ATG4C: variants seen among roughly 807,000 people sequenced by gnomAD.
The protein encoded by ATG4C is autophagy related 4C cysteine peptidase.
Under a neutral mutation model 57.6 loss-of-function variants are expected in ATG4C, and 56 were observed. That is an observed-to-expected ratio of 0.97 (90% CI 0.78 to 1.21). The LOEUF is 1.21. Ranked by LOEUF, ATG4C falls within the 50% of genes most tolerant of loss-of-function variation. The pLI, the probability that ATG4C is intolerant of heterozygous loss-of-function variation, is 0.00. For missense variants in ATG4C, 595 were observed against 529.8 expected, an observed-to-expected ratio of 1.12 and a Z score of -1.21; for synonymous variants, 157 against 174.1, an observed-to-expected ratio of 0.90 and a Z score of 0.78.
In ATG4C at chr1:62,805,261, T is replaced by C. The variant is rs746075510; in HGVS notation, c.160+6T>C. 1.3e-6 allele frequency: 2 copies of C among 1,503,108 alleles called. No individual in the cohort carries two copies. Among genetic ancestry groups the C allele is most frequent in the South Asian group, 2.8e-5 (2 of 71,878 alleles). The allele number at this position is 1,503,108 out of a possible 1,614,324, so 93.1% of individuals were successfully genotyped here. On this transcript the variant is annotated splice_donor_region_variant and intron_variant, in intron 3 of 10. Coordinates refer to ENST00000317868, the MANE Select transcript of ATG4C (RefSeq NM_032852.4). ...TTACCATTTTAAATATGAAGGTAAGTACAAAATTTGTAAACCATTTAAAAA... is the reference window on the plus strand; with the variant it reads ...TTACCATTTTAAATATGAAGGTAAGCACAAAATTTGTAAACCATTTAAAAA...
chr1:62,817,783 A>G (rs12134455), intron 4 of ATG4C, among the ~76,000 whole-genome samples: 71,251 of 152,038 alleles, frequency 0.47, 16,887 homozygotes, highest in East Asian at 0.67. Context: ...TACATTTGTA[A>G]GAATATTTTA....
At chr1:62,784,726 G>A (rs551570431) in intron 1 of ATG4C, among the ~76,000 whole-genome samples, 1 of 152,022 alleles carries the variant, frequency 6.6e-6, no homozygotes, top group East Asian at 1.9e-4. Context: ...TTTGGTGTTT[G>A]TTACTGCTTC....
chr1:62,793,335 G>C (rs1445681800), intron 1 of ATG4C, among the ~76,000 whole-genome samples: 1 of 151,718 alleles, frequency 6.6e-6, no homozygotes, highest in Non-Finnish European at 1.5e-5. Flanking sequence ...ACTAGTGCCA[G>C]GCACAGTGGC....
chr1:62,813,829 A>G (rs1665172358), intron 3 of ATG4C, among the ~76,000 whole-genome samples: 1 of 152,224 alleles, frequency 6.6e-6, no homozygotes, highest in African/African-American at 2.4e-5. Context: ...TATGCAGCCA[A>G]CAAATATATG....
At chr1:62,818,926 A>G in intron 4 of ATG4C, 79 bp from the exon 5 acceptor site, 3 of 1,173,440 alleles carry the variant, frequency 2.6e-6, no homozygotes, top group East Asian at 2.4e-5. Flanking sequence ...ATGACCTTAA[A>G]TGCTACGTAT....
At chr1:62,800,663 C>G (rs1664628664) in intron 1 of ATG4C, among the ~76,000 whole-genome samples, 1 of 151,936 alleles carries the variant, frequency 6.6e-6, no homozygotes, top group South Asian at 2.1e-4. Context: ...TTTCTTTATT[C>G]TAGTGTCAGT....
intron 3 of ATG4C, among the ~76,000 whole-genome samples, chr1:62,806,651 G>T (rs1192352080): frequency 6.6e-6 from 1 of 152,150 alleles, no homozygotes; most frequent in Non-Finnish European, 1.5e-5. Flanking sequence ...GGAGAAAGGT[G>T]TGGGAGGAGG....
intron 4 of ATG4C, 24 bp from the exon 5 acceptor site, chr1:62,818,981 C>T (rs1665381198): frequency 1.4e-6 from 2 of 1,473,854 alleles, no homozygotes; most frequent in Admixed American, 2.4e-5. Flanking sequence ...AAGATCTGAA[C>T]ACTTTGCTTT....
chr1:62,789,632 T>C (rs1664202462), intron 1 of ATG4C, among the ~76,000 whole-genome samples: 1 of 151,782 alleles, frequency 6.6e-6, no homozygotes, highest in African/African-American at 2.4e-5. Context: ...GCTAACACGG[T>C]GAAACCCCAT....
At chr1:62,805,113 T>A in intron 2 of ATG4C, 59 bp from the exon 3 acceptor site, 3 of 1,484,722 alleles carry the variant, frequency 2.0e-6, no homozygotes, top group Non-Finnish European at 2.7e-6. Flanking sequence ...CTGCTAGACT[T>A]TTAGTCTGAA....
chr1:62,836,834 G>C (rs1046560777), intron 9 of ATG4C, among the ~76,000 whole-genome samples: 1 of 152,036 alleles, frequency 6.6e-6, no homozygotes, highest in Non-Finnish European at 1.5e-5. Flanking sequence ...AATAATTGGT[G>C]GTAGTCCTCT....
At chr1:62,829,519 C>T (rs6663165) in intron 7 of ATG4C, among the ~76,000 whole-genome samples, 96,997 of 151,890 alleles carry the variant, frequency 0.64, 31,299 homozygotes, top group African/African-American at 0.74. Context: ...CATTAAACTA[C>T]ATCACATTAA....
Position 62,819,103 on chromosome 1 carries a change from C to G in ATG4C, c.493C>G (p.Leu165Val). The G allele has an allele frequency of 6.2e-7, 1 of 1,613,020 alleles. No homozygotes were observed. Residue 165 changes from leucine to valine, a missense_variant, in exon 5 of 11, where the codon CTT becomes GTT. Physicochemically the swap from Leu to Val is conservative, Grantham distance 32 (BLOSUM62 1). Coordinates refer to ENST00000317868, the MANE Select transcript of ATG4C (RefSeq NM_032852.4). ...KKFTASFEAS[L>V]SGEREFKTPT... is the part of the protein sequence containing the mutation. ...ATTTACTGCATCATTTGAAGCATCACTTTCAGGGGAAAGAGAATTCAAAAC... is the reference window on the plus strand; with the variant it reads ...ATTTACTGCATCATTTGAAGCATCAGTTTCAGGGGAAAGAGAATTCAAAAC...
At chr1:62,835,184 TAAAAA>T (rs59745958) in intron 9 of ATG4C, among the ~76,000 whole-genome samples, 1 of 135,550 alleles carries the variant, frequency 7.4e-6, no homozygotes. Flanking sequence ...AAGGCCTGTT[TAAAAA>T]AAAAAAAAAA....
chr1:62,852,997 A>T (rs1029409072), intron 10 of ATG4C, among the ~76,000 whole-genome samples: 19 of 152,048 alleles, frequency 1.2e-4, no homozygotes, highest in Admixed American at 3.9e-4. Context: ...CTCTTGCTGG[A>T]GCATATTTTC....
chr1:62,825,498 T>C (rs1665622136), intron 6 of ATG4C, among the ~76,000 whole-genome samples: 1 of 152,184 alleles, frequency 6.6e-6, no homozygotes, highest in Non-Finnish European at 1.5e-5. Flanking sequence ...CCTCATCTCC[T>C]TGATCTCTAA....
intron 1 of ATG4C, among the ~76,000 whole-genome samples, chr1:62,791,352 C>G (rs1299137231): frequency 2.0e-5 from 3 of 152,060 alleles, no homozygotes; most frequent in African/African-American, 7.2e-5. Context: ...ATGGATGCAC[C>G]TTTTTCTTGG....
chr1:62,845,186 G>T (rs1359593079), intron 10 of ATG4C, among the ~76,000 whole-genome samples: 2 of 151,528 alleles, frequency 1.3e-5, no homozygotes, highest in Non-Finnish European at 2.9e-5. Flanking sequence ...GCTGTATGTT[G>T]TTAAATACTC....
chr1:62,841,605 G>T (rs920489906), intron 10 of ATG4C, 58 bp downstream of exon 10: 36 of 1,359,430 alleles, frequency 2.6e-5, no homozygotes, highest in Non-Finnish European at 3.5e-5. Flanking sequence ...GAAACAGACT[G>T]TCAGAAAGCA....
Sources: allele counts gnomAD v4.1 joint callset (sites outside exome capture counted in the v4.1 genomes callset), GRCh38; gene constraint gnomAD v4.1.1; transcripts MANE v1.5; gene names NCBI Gene and HGNC (gene_info 2026-07-23, HGNC 2026-07-21).